The following MCPH1 variants were observed in gnomAD, a reference collection of about 807,000 sequenced individuals.
MCPH1 encodes the protein microcephalin 1.
A neutral mutation model predicts 84.5 loss-of-function variants in MCPH1; 104 were observed. The observed-to-expected ratio is 1.23, with a 90% confidence interval of 1.05 to 1.45. The LOEUF is 1.45. Ranked by LOEUF, MCPH1 falls within the 40% of genes most tolerant of loss-of-function variation. The pLI, the probability that MCPH1 is intolerant of heterozygous loss-of-function variation, is 0.00. For missense variants in MCPH1, 1,498 were observed against 1,005.7 expected, an observed-to-expected ratio of 1.49 and a Z score of -6.62; for synonymous variants, 514 against 366.8, an observed-to-expected ratio of 1.40 and a Z score of -4.58.
At chr8:6,559,628 C>T (rs1375237822) in intron 12 of MCPH1, among the ~76,000 whole-genome samples, 1 of 152,088 alleles carries the variant, frequency 6.6e-6, no homozygotes, top group African/African-American at 2.4e-5. Flanking sequence ...GTATGAGGCA[C>T]TCATCAGTGT....
At chr8:6,537,769 G>T (rs1462773335) in intron 12 of MCPH1, among the ~76,000 whole-genome samples, 1 of 151,970 alleles carries the variant, frequency 6.6e-6, no homozygotes, top group Non-Finnish European at 1.5e-5. Context: ...CAAAAGAAAA[G>T]TAATCTTGAA....
chr8:6,439,788 A>T (rs1242445837), intron 6 of MCPH1, among the ~76,000 whole-genome samples: 1 of 152,204 alleles, frequency 6.6e-6, no homozygotes, highest in Non-Finnish European at 1.5e-5. Flanking sequence ...TATCTTTAAA[A>T]TTTTTAATTA....
chr8:6,533,473 G>A (rs889249197), intron 12 of MCPH1, among the ~76,000 whole-genome samples: 2 of 151,492 alleles, frequency 1.3e-5, no homozygotes, highest in Non-Finnish European at 2.9e-5. Flanking sequence ...GTAAAATAGG[G>A]TTTCTGGTTG....
At chr8:6,453,683 C>T (rs759017054) in intron 8 of MCPH1, among the ~76,000 whole-genome samples, 6 of 152,080 alleles carry the variant, frequency 3.9e-5, no homozygotes, top group East Asian at 3.8e-4. Context: ...AAAATAAGTG[C>T]GTAGTAGATA....
intron 11 of MCPH1, among the ~76,000 whole-genome samples, chr8:6,495,269 C>T (rs1249964095): frequency 6.6e-6 from 1 of 152,200 alleles, no homozygotes; most frequent in Non-Finnish European, 1.5e-5. Context: ...TCATTAACTA[C>T]ATGGGTGCTT....
intron 8 of MCPH1, among the ~76,000 whole-genome samples, chr8:6,454,180 TTATTCATCTGCATC>T (rs1259277815): frequency 2.0e-5 from 3 of 152,216 alleles, no homozygotes; most frequent in Non-Finnish European, 4.4e-5. Context: ...TGCATTATAT[TTATTCATCTGCATC>T]TACATTGTCT....
chr8:6,494,879 T>C (rs1341543297), intron 11 of MCPH1, among the ~76,000 whole-genome samples: 1 of 152,208 alleles, frequency 6.6e-6, no homozygotes. Context: ...CACTTTAAAA[T>C]GGTTAATTGT....
intron 12 of MCPH1, among the ~76,000 whole-genome samples, chr8:6,524,635 T>C (rs983825805): frequency 1.3e-5 from 2 of 152,074 alleles, no homozygotes; most frequent in African/African-American, 4.8e-5. Flanking sequence ...TGGAGAAAAA[T>C]CAAGAAATGA....
chr8:6,493,704 C>T (rs555358489), intron 11 of MCPH1, among the ~76,000 whole-genome samples: 4 of 152,200 alleles, frequency 2.6e-5, no homozygotes, highest in African/African-American at 9.6e-5. Flanking sequence ...GTCCTGTGAC[C>T]CAGCATTAGG....
chr8:6,407,261 C>G (rs1415689743), intron 1 of MCPH1: 1 of 160,720 alleles, frequency 6.2e-6, no homozygotes, highest in East Asian at 1.9e-4. Context: ...TAGGAGCCGC[C>G]TTTTACTGCG....
At chr8:6,528,586 T>G (rs1818824762) in intron 12 of MCPH1, among the ~76,000 whole-genome samples, 1 of 152,244 alleles carries the variant, frequency 6.6e-6, no homozygotes, top group African/African-American at 2.4e-5. Flanking sequence ...GCCTCAGCCT[T>G]GCCGTGCGGG....
chr8:6,501,709 G>C (rs2129562931), intron 12 of MCPH1: 1 of 151,830 alleles, frequency 6.6e-6, no homozygotes, highest in Non-Finnish European at 1.5e-5. Flanking sequence ...GTGCCCGCCA[G>C]CACGCCTGGC....
chr8:6,493,757 G>C (rs558290519), intron 11 of MCPH1, among the ~76,000 whole-genome samples: 4 of 152,210 alleles, frequency 2.6e-5, no homozygotes. Flanking sequence ...TGTCGTATTC[G>C]GGGGTGGAGA....
chr8:6,538,154 A>G (rs1237479774), intron 12 of MCPH1, among the ~76,000 whole-genome samples: 1 of 150,824 alleles, frequency 6.6e-6, no homozygotes, highest in Non-Finnish European at 1.5e-5. Context: ...CAGCCCTTCC[A>G]TTTTTCTAGT....
chr8:6,624,717 C>T (rs939394071), intron 13 of MCPH1, among the ~76,000 whole-genome samples: 4 of 152,148 alleles, frequency 2.6e-5, no homozygotes, highest in African/African-American at 9.7e-5. Flanking sequence ...GAATTCCAAT[C>T]TGGTAGCTGC....
intron 12 of MCPH1, among the ~76,000 whole-genome samples, chr8:6,574,241 G>A (rs1332952050): frequency 6.6e-6 from 1 of 152,186 alleles, no homozygotes; most frequent in South Asian, 2.1e-4. Context: ...GTCTGTAATT[G>A]AGGCATCAGC....
rs1176188275 is a variant in MCPH1, at chr8:6,643,701, T to G, written c.*652T>G. ...TTAGACTCGATCTTTATTAATACAT[T>G]ATCTATTAGGTAGGAAAGACATTTG... On this transcript the variant is annotated 3_prime_UTR_variant, in exon 14 of 14. Transcript: ENST00000344683. The G allele has an allele frequency of 6.5e-6, 1 of 153,834 alleles. No individual in the cohort carries two copies. Among genetic ancestry groups the G allele is most frequent in the Non-Finnish European group, 1.4e-5 (1 of 69,122 alleles). 9.5% of individuals were successfully genotyped at this position (153,834 alleles called of 1,614,324 possible). A position where few individuals can be genotyped will look rare whatever the true frequency, so the allele number is the denominator to read the frequency against.
At chr8:6,509,423 A>C (rs1349054124) in intron 12 of MCPH1, among the ~76,000 whole-genome samples, 2 of 152,206 alleles carry the variant, frequency 1.3e-5, no homozygotes, top group Non-Finnish European at 1.5e-5. Flanking sequence ...ATAGAGACGG[A>C]GTCCTGAGAC....
intron 12 of MCPH1, among the ~76,000 whole-genome samples, chr8:6,587,923 C>T (rs956220667): frequency 2.0e-5 from 3 of 152,238 alleles, no homozygotes; most frequent in African/African-American, 7.2e-5. Context: ...CACTTACGTG[C>T]TGGGGACAGC....
Sources: allele counts gnomAD v4.1 joint callset (sites outside exome capture counted in the v4.1 genomes callset), GRCh38; gene constraint gnomAD v4.1.1; transcripts MANE v1.5; gene names NCBI Gene and HGNC (gene_info 2026-07-23, HGNC 2026-07-21).